Variants in NLRP4 observed in about 807,000 individuals in gnomAD.
NLRP4 encodes the protein NLR family pyrin domain containing 4.
NLRP4 carries 44 observed loss-of-function variants against 84.7 expected under a neutral mutation model. The observed-to-expected ratio is 0.52, with a 90% CI of 0.41 to 0.67. NLRP4 has a LOEUF of 0.67. Ranked by LOEUF, NLRP4 falls within the 30% of genes least tolerant of loss-of-function variation. NLRP4 has a pLI of 0.00. For missense variants in NLRP4, 1,260 were observed against 1,219.4 expected (o/e 1.03, Z -0.50); for synonymous variants, 544 against 476.4 (o/e 1.14, Z -1.85).
chr19:55,850,609 ACGAGGCTGCGGTGTAATGTC>A (rs1600223685), intron 1 of NLRP4, among the ~76,000 whole-genome samples: 11 of 25,752 alleles, frequency 4.3e-4, no homozygotes, highest in East Asian at 9.7e-4. Flanking sequence ...GGTGTAATTT[ACGAGGCTGCGGTGTAATGTC>A]CGAGGCTGCG....
At chr19:55,868,790 G>A (rs1333784315) in intron 6 of NLRP4, among the ~76,000 whole-genome samples, 1 of 152,158 alleles carries the variant, frequency 6.6e-6, no homozygotes, top group Non-Finnish European at 1.5e-5. Context: ...GGCTGCCTGT[G>A]AGAAATAGAA....
intron 9 of NLRP4, among the ~76,000 whole-genome samples, chr19:55,880,137 C>T (rs1176517433): frequency 6.6e-6 from 1 of 151,584 alleles, no homozygotes; most frequent in Non-Finnish European, 1.5e-5. Context: ...TGGGTTAAAA[C>T]TGTTATAACT....
At chr19:55,841,681 T>C (rs1983618779) in intron 1 of NLRP4, among the ~76,000 whole-genome samples, 1 of 151,986 alleles carries the variant, frequency 6.6e-6, no homozygotes, top group South Asian at 2.1e-4. Context: ...GCTAACATGG[T>C]GAAACCCCAT....
At position 55,857,745 on chromosome 19, in the gene NLRP4, G is replaced by C; in HGVS notation, c.352G>C (p.Glu118Gln). 6.2e-7 allele frequency: 1 copy of C among 1,613,870 alleles called. No individual in the cohort carries two copies. The highest frequency in any genetic ancestry group is 8.5e-7 in the Non-Finnish European group (1 of 1,179,764). The change falls in exon 3 of 10, where the codon GAG becomes CAG. Residue 118 changes from glutamate to glutamine, a missense_variant. Around this residue, in one of 3 missense-constraint regions of NLRP4, gnomAD observed 712 missense variants for 669.2 expected, o/e 1.06. Coordinates refer to ENST00000301295, the MANE Select transcript of NLRP4 (RefSeq NM_134444.5). ...CTTATGGTCCAGCAAGTCTGTCACTGAGATTCACCTATACTTTGAGGAGGA... is the reference window on the plus strand; with the variant it reads ...CTTATGGTCCAGCAAGTCTGTCACTCAGATTCACCTATACTTTGAGGAGGA... ...SRLWSSKSVT[E>Q]IHLYFEEEVK...
At chr19:55,842,594 T>C (rs1028365918) in intron 1 of NLRP4, among the ~76,000 whole-genome samples, 6 of 152,084 alleles carry the variant, frequency 3.9e-5, no homozygotes, top group Non-Finnish European at 8.8e-5. Flanking sequence ...CTCACAAGAC[T>C]GACTCTATAA....
chr19:55,863,234 G>A (rs2123043804), intron 5 of NLRP4, among the ~76,000 whole-genome samples: 1 of 152,304 alleles, frequency 6.6e-6, no homozygotes, highest in Admixed American at 6.5e-5. Flanking sequence ...CTTTATTCCT[G>A]TGAAGTTCAA....
intron 5 of NLRP4, among the ~76,000 whole-genome samples, chr19:55,865,965 T>C (rs1984938742): frequency 6.6e-6 from 1 of 152,232 alleles, no homozygotes. Flanking sequence ...CATGTGCTTT[T>C]GGTGCAATTG....
chr19:55,848,681 C>T lies in NLRP4; in HGVS notation c.-65-3335C>T, dbSNP rs183212679. Reference sequence around the variant, plus strand: ...CTTCCCAAAGTGCTAGGATTACAGGCGTGAGCCACCATGCCCGGCTGTACT... The same window carrying T: ...CTTCCCAAAGTGCTAGGATTACAGGTGTGAGCCACCATGCCCGGCTGTACT... On this transcript the variant is annotated intron_variant, in intron 1 of 9. Transcript: ENST00000301295. Among the ~76,000 whole-genome samples, 42 of 152,296 alleles carry T rather than the reference C, an allele frequency of 2.8e-4. No individual in the cohort carries two copies. In the East Asian group the frequency reaches 7.0e-3, roughly 25 times the overall value.
intron 5 of NLRP4, among the ~76,000 whole-genome samples, chr19:55,864,029 A>G (rs1000456821): frequency 2.0e-5 from 3 of 152,192 alleles, no homozygotes; most frequent in Admixed American, 6.5e-5. Flanking sequence ...TGTGATATCC[A>G]CATACCACAA....
intron 1 of NLRP4, among the ~76,000 whole-genome samples, chr19:55,842,921 G>A (rs1256869728): frequency 5.3e-5 from 8 of 151,732 alleles, no homozygotes; most frequent in African/African-American, 1.5e-4. Context: ...CACCACGCCC[G>A]GCTAATTTTT....
Position 55,861,512 on chromosome 19 carries a change from G to C in NLRP4, c.1983G>C (p.Gln661His). ...SESTFVTWCN[Q>H]LRHPSCRLQK... Reference sequence around the variant, plus strand: ...CGACCTTTGTGACCTGGTGTAACCAGCTGAGGCATCCCAGCTGTCGCCTTC... The same window carrying C: ...CGACCTTTGTGACCTGGTGTAACCACCTGAGGCATCCCAGCTGTCGCCTTC... The change falls in exon 4 of 10, where the codon CAG (glutamine) becomes CAC (histidine). Residue 661 changes from glutamine (Q) to histidine (H), a missense_variant. By Grantham distance (24) the Gln-to-His change is conservative. Transcript: ENST00000301295. 1.9e-6 allele frequency: 3 copies of C among 1,614,142 alleles called. No homozygotes were observed. The highest frequency in any genetic ancestry group is 2.5e-6 in the Non-Finnish European group (3 of 1,180,004).
chr19:55,856,428 A>C (rs549205272), intron 2 of NLRP4, among the ~76,000 whole-genome samples: 1 of 151,960 alleles, frequency 6.6e-6, no homozygotes, highest in African/African-American at 2.4e-5. Flanking sequence ...AGTGAGGGCC[A>C]ATCGCAGAAC....
At chr19:55,874,652 G>A (rs1282564113) in intron 7 of NLRP4, among the ~76,000 whole-genome samples, 1 of 152,070 alleles carries the variant, frequency 6.6e-6, no homozygotes, top group African/African-American at 2.4e-5. Context: ...GCCTTCATTG[G>A]TGATTCTTAC....
chr19:55,878,698 A>T, intron 8 of NLRP4, 96 bp from the exon 9 acceptor site: 4 of 1,072,718 alleles, frequency 3.7e-6, no homozygotes, highest in Non-Finnish European at 5.4e-6. Flanking sequence ...CACTTGAGGC[A>T]ATGGGGTGTG....
In NLRP4 at chr19:55,878,446, C is replaced by T. The variant is rs138648752; in HGVS notation, c.2697-348C>T. Among the ~76,000 whole-genome samples, 264 of 152,356 alleles carry T rather than the reference C, an allele frequency of 1.7e-3. 4 individuals are homozygous for T. In the East Asian group the frequency reaches 0.024, roughly 14 times the overall value. ...AAGAAAAACACCCAAAATGGTGGCTCAGAACTCTCCTAATCTTGCTTCCAT... is the reference window on the plus strand; with the variant it reads ...AAGAAAAACACCCAAAATGGTGGCTTAGAACTCTCCTAATCTTGCTTCCAT... On this transcript the variant is annotated intron_variant, in intron 8 of 9. Coordinates refer to ENST00000301295, the MANE Select transcript of NLRP4 (RefSeq NM_134444.5).
At chr19:55,877,819 C>A (rs1985430321) in intron 8 of NLRP4, among the ~76,000 whole-genome samples, 1 of 152,102 alleles carries the variant, frequency 6.6e-6, no homozygotes, top group Admixed American at 6.6e-5. Flanking sequence ...TGATTAGAAT[C>A]CCCCCAGTGT....
At chr19:55,852,829 A>C (rs1984223802) in intron 2 of NLRP4, among the ~76,000 whole-genome samples, 2 of 152,194 alleles carry the variant, frequency 1.3e-5, no homozygotes, top group South Asian at 4.1e-4. Flanking sequence ...TGGTGGTTAC[A>C]TGTGGGTAAA....
At chr19:55,851,370 C>T (rs1364567597) in intron 1 of NLRP4, among the ~76,000 whole-genome samples, 2 of 84,098 alleles carry the variant, frequency 2.4e-5, no homozygotes, top group Non-Finnish European at 3.9e-5. Flanking sequence ...GTGTAATGTC[C>T]GAGGCTGCGG....
At chr19:55,856,593 G>A (rs1818681747) in intron 2 of NLRP4, among the ~76,000 whole-genome samples, 2 of 140,964 alleles carry the variant, frequency 1.4e-5, no homozygotes, top group Admixed American at 1.5e-4. Flanking sequence ...TCAGCTCACT[G>A]CAACCTCTGC....
Sources: gnomAD v4.1 joint callset for allele counts (sites outside exome capture counted in the v4.1 genomes callset) on GRCh38, gnomAD v4.1.1 for gene constraint, gnomAD v4.1.1 regional missense constraint, MANE v1.5 for transcripts, NCBI Gene and HGNC (gene_info 2026-07-23, HGNC 2026-07-21) for gene names.